Variants in AGAP1 observed in about 807,000 individuals in gnomAD.
The protein encoded by AGAP1 is ArfGAP with GTPase domain, ankyrin repeat and PH domain 1, also known as arf-GAP with GTPase, ANK repeat and PH domain-containing protein 1.
Under a neutral mutation model 105.3 loss-of-function variants are expected in AGAP1, and 29 were observed. The ratio of observed to expected loss-of-function variants is 0.28; its 90% CI spans 0.21 to 0.38. AGAP1 has a LOEUF of 0.38. Among genes scored for constraint, AGAP1 ranks in the 10% least tolerant of loss-of-function variants. The pLI is 1.00. For missense variants in AGAP1, 998 were observed against 1,165.1 expected, an observed-to-expected ratio of 0.86 and a Z score of 2.09; for synonymous variants, 509 against 485.9, an observed-to-expected ratio of 1.05 and a Z score of -0.63.
chr2:235,625,445 A>G lies in AGAP1; in HGVS notation c.164-83734A>G, dbSNP rs75463856. ...GGGAGGTTCTGTAAATCTGGGAGAA[A>G]GGTGCCTTTCCTTTGGAGGGATGGT... On this transcript the variant is annotated intron_variant, in intron 1 of 17. Coordinates refer to ENST00000304032, the MANE Select transcript of AGAP1 (RefSeq NM_001037131.3). This position sits in a 1 kb window ranked among gnomAD's most constrained non-coding sequence, Gnocchi z 4.0. Among the ~76,000 whole-genome samples, 6,497 of 152,304 alleles carry G rather than the reference A, an allele frequency of 0.043. 396 individuals are homozygous for G. The highest frequency in any genetic ancestry group is 0.14 in the African/African-American group (5,647 of 41,540).
At chr2:235,968,238 T>C (rs1218022569) in intron 12 of AGAP1, among the ~76,000 whole-genome samples, 4 of 152,214 alleles carry the variant, frequency 2.6e-5, no homozygotes, top group East Asian at 3.9e-4. Flanking sequence ...GAAAAAGAAA[T>C]GCTTGTGTTT....
chr2:236,030,203 G>C (rs1333403909), intron 13 of AGAP1, among the ~76,000 whole-genome samples: 1 of 152,104 alleles, frequency 6.6e-6, no homozygotes, highest in Non-Finnish European at 1.5e-5. Context: ...TCTAGAGACG[G>C]GGTCTCACCA....
rs760174808 is a variant in AGAP1, at chr2:235,555,328, C to T, written c.163+60479C>T. Among the ~76,000 whole-genome samples the T allele has an allele frequency of 1.4e-4, 21 of 152,130 alleles. No individual in the cohort carries two copies. Among genetic ancestry groups the T allele is most frequent in the Non-Finnish European group, 2.1e-4 (14 of 68,038 alleles). ...TTTCTAGTGTCTGAGTAAAGGCAGT[C>T]CCCAGTCCAGTCTGCAAAGCCTGGC... On this transcript the variant is annotated intron_variant, in intron 1 of 17. Transcript: ENST00000304032. This position sits in a 1 kb window ranked among gnomAD's most constrained non-coding sequence, Gnocchi z 5.1.
chr2:235,868,574 CG>C, intron 9 of AGAP1, among the ~76,000 whole-genome samples: 1 of 152,238 alleles, frequency 6.6e-6, no homozygotes, highest in East Asian at 1.9e-4. Context: ...GAGCAGAGGC[CG>C]GCACCATTTG....
rs932559868 is a variant in AGAP1, at chr2:235,789,612, G to A, written c.674-8147G>A. Among the ~76,000 whole-genome samples the A allele has an allele frequency of 2.0e-5, 3 of 151,540 alleles. No homozygotes were observed. The highest frequency in any genetic ancestry group is 4.4e-5 in the Non-Finnish European group (3 of 67,948). ...AACCACAGCCTATTTTAGATTAGAG[G>A]GTTGTTTGCTCAAAAAAAAAATACA... On this transcript the variant is annotated intron_variant, in intron 6 of 17. Transcript: ENST00000304032. The surrounding 1 kb of genome is among the most constrained non-coding windows in gnomAD (Gnocchi z 4.2).
intron 16 of AGAP1, among the ~76,000 whole-genome samples, chr2:236,112,415 CGAAAAA>C (rs2059671111): frequency 6.8e-6 from 1 of 146,320 alleles, no homozygotes; most frequent in Non-Finnish European, 1.5e-5. Context: ...CATTCCATCT[CGAAAAA>C]AAAAAAGGAA....
chr2:236,105,106 G>A lies in AGAP1; in HGVS notation c.2115-15086G>A, dbSNP rs1377324810. 4.0e-5 allele frequency among the ~76,000 whole-genome samples: 6 copies of A among 151,828 alleles called. No homozygotes were observed. The highest frequency in any genetic ancestry group is 1.9e-4 in the East Asian group (1 of 5,164). ...TGTCTGTCTCGGTGAGAGAAGGCACGGCCCTCACCCAGGGCAGCAGAGATC... is the reference window on the plus strand; with the variant it reads ...TGTCTGTCTCGGTGAGAGAAGGCACAGCCCTCACCCAGGGCAGCAGAGATC... On this transcript the variant is annotated intron_variant, in intron 16 of 17. Coordinates refer to ENST00000304032, the MANE Select transcript of AGAP1 (RefSeq NM_001037131.3). This position sits in a 1 kb window ranked among gnomAD's most constrained non-coding sequence, Gnocchi z 4.2.
At position 235,908,691 on chromosome 2, in the gene AGAP1, T is replaced by A; in HGVS notation, c.1156-47T>A. 7.0e-7 allele frequency: 1 copy of A among 1,437,676 alleles called. No individual in the cohort carries two copies. The highest frequency in any genetic ancestry group is 9.3e-7 in the Non-Finnish European group (1 of 1,073,506). The allele number at this position is 1,437,676 out of a possible 1,614,324, so 89.1% of individuals were successfully genotyped here. ...CCCTTTTGTTCTAGGTTGTAAAAGG[T>A]CTTTTTTTTTTTTTTATCTCTCTTG... is the stretch of plus-strand genomic sequence containing the variant. On this transcript the variant is annotated intron_variant, in intron 10 of 17. Transcript: ENST00000304032. The surrounding 1 kb of genome is among the most constrained non-coding windows in gnomAD (Gnocchi z 4.4).
chr2:235,646,412 G>T (rs1419279171), intron 1 of AGAP1, among the ~76,000 whole-genome samples: 1 of 152,054 alleles, frequency 6.6e-6, no homozygotes, highest in Non-Finnish European at 1.5e-5. Flanking sequence ...ATTCTTGCCT[G>T]TACCAACCAT....
chr2:235,917,056 C>G (rs2051920525), intron 11 of AGAP1, among the ~76,000 whole-genome samples: 1 of 152,182 alleles, frequency 6.6e-6, no homozygotes, highest in African/African-American at 2.4e-5. Flanking sequence ...ACCTTCTTGT[C>G]TCTAAAGTGT....
chr2:235,523,542 G>A (rs1942705595), intron 1 of AGAP1, among the ~76,000 whole-genome samples: 1 of 152,138 alleles, frequency 6.6e-6, no homozygotes, highest in Non-Finnish European at 1.5e-5. Context: ...CCATGTCATG[G>A]TACGTGCTGT....
At chr2:236,108,451 T>C (rs569515074) in intron 16 of AGAP1, among the ~76,000 whole-genome samples, 4 of 152,038 alleles carry the variant, frequency 2.6e-5, no homozygotes, top group Non-Finnish European at 5.9e-5. Flanking sequence ...ACCCTGAGGG[T>C]GTTCCTCCAC....
Position 236,000,752 on chromosome 2 carries a change from T to C in AGAP1, c.1645+32129T>C, listed in dbSNP as rs1450290621. Among the ~76,000 whole-genome samples, 1 of 151,112 alleles carries C rather than the reference T, an allele frequency of 6.6e-6. No individual in the cohort carries two copies. Among genetic ancestry groups the C allele is most frequent in the East Asian group, 1.9e-4 (1 of 5,132 alleles). ...GGTGTGGCGGGGCAGGTACTAGAGA[T>C]TGTGTTTGCAGTGAGGGCCACTAAG... On this transcript the variant is annotated intron_variant, in intron 13 of 17. Transcript: ENST00000304032. The surrounding 1 kb of genome is among the most constrained non-coding windows in gnomAD (Gnocchi z 4.3).
rs6732802 is a variant in AGAP1 at position 235,705,295 on chromosome 2, C to T, written c.164-3884C>T. Among the ~76,000 whole-genome samples the T allele has an allele frequency of 0.076, 11,632 of 152,210 alleles. 1,457 individuals carry two copies. Among genetic ancestry groups the T allele is most frequent in the African/African-American group, 0.26 (10,799 of 41,512 alleles). On this transcript the variant is annotated intron_variant, in intron 1 of 17. Transcript: ENST00000304032. This position sits in a 1 kb window ranked among gnomAD's most constrained non-coding sequence, Gnocchi z 4.9. ...CGCCTGGCCCAGACACTTCTGAGAA[C>T]GAGCTACATCCTCTGTGCCACTGGA...
Position 236,083,315 on chromosome 2 carries a change from C to T in AGAP1, c.2114+34034C>T, listed in dbSNP as rs2058837444. On this transcript the variant is annotated intron_variant, in intron 16 of 17. Transcript: ENST00000304032. This position sits in a 1 kb window ranked among gnomAD's most constrained non-coding sequence, Gnocchi z 5.3. ...GTCATGTGATGAGCTCGGTTTGTTGCAAGGAAGCGTCGTCCTCCTCACGGG... is the reference window on the plus strand; with the variant it reads ...GTCATGTGATGAGCTCGGTTTGTTGTAAGGAAGCGTCGTCCTCCTCACGGG... 6.6e-6 allele frequency among the ~76,000 whole-genome samples: 1 copy of T among 152,144 alleles called. No individual in the cohort carries two copies. The highest frequency in any genetic ancestry group is 2.4e-5 in the African/African-American group (1 of 41,422).
chr2:235,494,176 C>T lies in AGAP1; in HGVS notation c.-511C>T, dbSNP rs1032694594. 2.8e-5 allele frequency: 4 copies of T among 143,714 alleles called. No homozygotes were observed. The highest frequency in any genetic ancestry group is 2.0e-4 in the South Asian group (1 of 5,064). The allele number at this position is 143,714 out of a possible 1,614,324, so 8.9% of individuals were successfully genotyped here. Reference sequence around the variant, plus strand: ...GGCGCACGGCGGGCTCGCGCGGGGGCCCCGGCGCGCCGGGCGGCGCAGTAC... The same window carrying T: ...GGCGCACGGCGGGCTCGCGCGGGGGTCCCGGCGCGCCGGGCGGCGCAGTAC... On this transcript the variant is annotated 5_prime_UTR_variant, in exon 1 of 18. Coordinates refer to ENST00000304032, the MANE Select transcript of AGAP1 (RefSeq NM_001037131.3).
At chr2:235,581,375 G>A (rs947060709) in intron 1 of AGAP1, among the ~76,000 whole-genome samples, 1 of 150,720 alleles carries the variant, frequency 6.6e-6, no homozygotes, top group African/African-American at 2.4e-5. Flanking sequence ...CAGTGGAGGT[G>A]CAGGACTTCC....
intron 1 of AGAP1, among the ~76,000 whole-genome samples, chr2:235,686,657 ATATATATATT>A (rs1559351173): frequency 4.2e-4 from 23 of 54,244 alleles, no homozygotes; most frequent in South Asian, 2.0e-3. Flanking sequence ...ATATATATAT[ATATATATATT>A]TTTTTTTTTT....
rs890003057 is a variant in AGAP1 at position 236,049,111 on chromosome 2, A to G, written c.1944A>G (p.Ser648=). The change falls in exon 16 of 18, where the codon TCA becomes TCG. Residue 648 remains serine (S), a synonymous_variant. Coordinates refer to ENST00000304032, the MANE Select transcript of AGAP1 (RefSeq NM_001037131.3). The part of the protein sequence containing the change: ...NLGALMCIEC[S]GIHRNLGTHL... ...GAGCCCTCATGTGCATCGAATGCTC[A>G]GGGATCCACCGGAATCTTGGCACCC... is the stretch of plus-strand genomic sequence containing the variant. The G allele has an allele frequency of 4.3e-6, 7 of 1,614,244 alleles. No individual in the cohort carries two copies. Among genetic ancestry groups the G allele is most frequent in the Non-Finnish European group, 5.9e-6 (7 of 1,180,044 alleles).
Sources: allele counts gnomAD v4.1 joint callset (sites outside exome capture counted in the v4.1 genomes callset), GRCh38; gene constraint gnomAD v4.1.1; non-coding constraint Gnocchi (gnomAD v3.1); transcripts MANE v1.5; gene names NCBI Gene and HGNC (gene_info 2026-07-23, HGNC 2026-07-21).